Variants in PRUNE2 observed in about 807,000 individuals in gnomAD.
PRUNE2 encodes prune homolog 2 with BCH domain, also known as protein prune homolog 2.
In PRUNE2, 164 loss-of-function variants were observed where a neutral mutation model predicts 252.0. The ratio of observed to expected loss-of-function variants is 0.65; its 90% CI spans 0.57 to 0.74. The LOEUF (loss-of-function observed/expected upper bound fraction) is 0.74. Ranked by LOEUF, PRUNE2 falls within the 30% of genes least tolerant of loss-of-function variation. The probability of loss-of-function intolerance (pLI) is 0.00; values close to 1 mark genes in which losing one functional copy is unlikely to be tolerated. For synonymous variants in PRUNE2, 1,292 were observed against 1,350.2 expected (o/e 0.96, Z 0.94); for missense variants, 3,495 against 3,711.0 (o/e 0.94, Z 1.51).
chr9:76,704,724 C>A, intron 8 of PRUNE2, 37 bp downstream of exon 8: 1 of 1,364,764 alleles, frequency 7.3e-7, no homozygotes, highest in Admixed American at 2.3e-5. Flanking sequence ...ATCAACGCAG[C>A]AGTTTCTTGG....
intron 9 of PRUNE2, among the ~76,000 whole-genome samples, chr9:76,670,992 G>C (rs982682796): frequency 6.6e-6 from 1 of 152,212 alleles, no homozygotes; most frequent in Admixed American, 6.5e-5. Context: ...AAAAAGCAGA[G>C]CGCCTCTCCT....
Position 76,708,978 on chromosome 9 carries a change from T to C in PRUNE2, c.3296A>G (p.His1099Arg). 7 of 1,614,022 alleles carry C rather than the reference T, an allele frequency of 4.3e-6. No homozygotes were observed. Among genetic ancestry groups the C allele is most frequent in the Non-Finnish European group, 4.2e-6 (5 of 1,179,884 alleles). ...CGTCTGCCGGGAGTTGGTGCTGCTG[T>C]GCAAAAGTGTGAGTTGTCGGTTTGT... The part of the protein sequence containing the change: ...NETNRQLTLL[H>R]SSTNSRQTAP... The change falls in exon 8 of 19, where the codon CAC (histidine) becomes CGC (arginine). Residue 1099 changes from histidine to arginine, a missense_variant. By Grantham distance (29) the His-to-Arg change is conservative (BLOSUM62 0). Transcript: ENST00000376718.
chr9:76,842,086 C>T (rs1003646126), intron 4 of PRUNE2, among the ~76,000 whole-genome samples: 2 of 152,196 alleles, frequency 1.3e-5, no homozygotes, highest in African/African-American at 4.8e-5. Context: ...TACCTGACTT[C>T]AAACTATACT....
chr9:76,729,955 T>G (rs997820436), intron 6 of PRUNE2, among the ~76,000 whole-genome samples: 14 of 152,240 alleles, frequency 9.2e-5, no homozygotes, highest in African/African-American at 3.4e-4. Context: ...TATAGCTGTA[T>G]TATCCTAATT....
chr9:76,676,643 T>G (rs2042643940), intron 9 of PRUNE2, among the ~76,000 whole-genome samples: 1 of 152,168 alleles, frequency 6.6e-6, no homozygotes, highest in Non-Finnish European at 1.5e-5. Flanking sequence ...CATTTTCAAA[T>G]AAAAGGTAAT....
chr9:76,731,726 G>A (rs2048627498), intron 6 of PRUNE2, among the ~76,000 whole-genome samples: 1 of 152,104 alleles, frequency 6.6e-6, no homozygotes, highest in Non-Finnish European at 1.5e-5. Flanking sequence ...CACCTCATTG[G>A]TACACTTATT....
intron 11 of PRUNE2, among the ~76,000 whole-genome samples, chr9:76,649,950 T>TTA (rs1846717625): frequency 6.6e-6 from 1 of 151,456 alleles, no homozygotes; most frequent in African/African-American, 2.4e-5. Context: ...TTTTTTTTTT[T>TTA]AGAGTCTCCC....
Position 76,709,797 on chromosome 9 carries a change from G to A in PRUNE2, c.2477C>T (p.Pro826Leu). The A allele has an allele frequency of 1.2e-6, 2 of 1,613,942 alleles. No homozygotes were observed. The highest frequency in any genetic ancestry group is 3.3e-5 in the Admixed American group (2 of 60,020). ...CCACTCATTCGGGTCCCTAACAGAAGGTGTCTTGCTGCTTGTTGGGTGCAA... is the reference window on the plus strand; with the variant it reads ...CCACTCATTCGGGTCCCTAACAGAAAGTGTCTTGCTGCTTGTTGGGTGCAA... ...WNLHPTSSKTPSVRDPNEWAM... is the reference protein window; with the variant it reads ...WNLHPTSSKTLSVRDPNEWAM... Residue 826 changes from proline to leucine, a missense_variant, in exon 8 of 19, where the codon CCT becomes CTT. Coordinates refer to ENST00000376718, the MANE Select transcript of PRUNE2 (RefSeq NM_015225.3).
At position 76,850,426 on chromosome 9, in the gene PRUNE2, G is replaced by C. The variant is rs774595745; in HGVS notation, c.344+37C>G. On this transcript the variant is annotated intron_variant, in intron 3 of 18. Coordinates refer to ENST00000376718, the MANE Select transcript of PRUNE2 (RefSeq NM_015225.3). ...CACTTTGCCCAGTAGAACCTTCATT[G>C]AGGGATTAAACCTCAGAGCTTCACA... The C allele has an allele frequency of 2.0e-6, 3 of 1,531,852 alleles. No individual in the cohort carries two copies. In the African/African-American group the frequency reaches 4.1e-5, roughly 21 times the overall value. The allele number at this position is 1,531,852 out of a possible 1,614,324, so 94.9% of individuals were successfully genotyped here.
At chr9:76,881,040 A>C (rs1041575138) in intron 1 of PRUNE2, among the ~76,000 whole-genome samples, 50 of 149,350 alleles carry the variant, frequency 3.3e-4, no homozygotes, top group Non-Finnish European at 6.9e-4. Context: ...GACTCACTGC[A>C]ACCTCCACCT....
At chr9:76,855,082 A>AAAAAAAAAAAAAAATATAT (rs1490285240) in intron 1 of PRUNE2, among the ~76,000 whole-genome samples, 1 of 109,438 alleles carries the variant, frequency 9.1e-6, no homozygotes, top group African/African-American at 3.9e-5. Flanking sequence ...AAAAAAAAAA[A>AAAAAAAAAAAAAAATATAT]ATATATATAT....
chr9:76,635,863 CTT>C (rs1229687824), intron 15 of PRUNE2, among the ~76,000 whole-genome samples: 2 of 152,178 alleles, frequency 1.3e-5, no homozygotes, highest in Non-Finnish European at 2.9e-5. Flanking sequence ...ATGAACATAA[CTT>C]ATTTTACTTT....
chr9:76,756,912 A>G (rs1190797544), intron 6 of PRUNE2, among the ~76,000 whole-genome samples: 1 of 151,768 alleles, frequency 6.6e-6, no homozygotes, highest in Non-Finnish European at 1.5e-5. Context: ...GGAATAGCCA[A>G]TGCAAGCAAA....
At chr9:76,809,855 T>C (rs1373882615) in intron 6 of PRUNE2, among the ~76,000 whole-genome samples, 1 of 152,208 alleles carries the variant, frequency 6.6e-6, no homozygotes, top group Non-Finnish European at 1.5e-5. Context: ...ATTAAGTGGA[T>C]GGATAAAGTG....
intron 1 of PRUNE2, among the ~76,000 whole-genome samples, chr9:76,871,826 ACC>A: frequency 6.6e-6 from 1 of 151,992 alleles, no homozygotes. Context: ...ATGGGGTTTC[ACC>A]ATGTTGCCCA....
At chr9:76,680,417 T>C (rs771466091) in intron 9 of PRUNE2, among the ~76,000 whole-genome samples, 12 of 151,984 alleles carry the variant, frequency 7.9e-5, no homozygotes, top group East Asian at 1.9e-4. Context: ...TACAGAGAAA[T>C]TGGAACACTT....
chr9:76,661,952 TA>T (rs1350490712), intron 9 of PRUNE2, among the ~76,000 whole-genome samples: 1 of 152,054 alleles, frequency 6.6e-6, no homozygotes, highest in Non-Finnish European at 1.5e-5. Flanking sequence ...TCACATGTAC[TA>T]TATTCTCTGA....
At chr9:76,835,846 C>T (rs1176393637) in intron 4 of PRUNE2, among the ~76,000 whole-genome samples, 3 of 152,192 alleles carry the variant, frequency 2.0e-5, no homozygotes, top group African/African-American at 7.2e-5. Context: ...TAGCAAGCAA[C>T]TATTCTTTAT....
At chr9:76,880,412 T>C (rs2061709802) in intron 1 of PRUNE2, among the ~76,000 whole-genome samples, 1 of 152,182 alleles carries the variant, frequency 6.6e-6, no homozygotes, top group Non-Finnish European at 1.5e-5. Flanking sequence ...TTTTGCTGTG[T>C]AGACATTTGT....
Sources: allele counts gnomAD v4.1 joint callset (sites outside exome capture counted in the v4.1 genomes callset), GRCh38; gene constraint gnomAD v4.1.1; transcripts MANE v1.5; gene names NCBI Gene and HGNC (gene_info 2026-07-23, HGNC 2026-07-21).